The following CAMTA1 variants were observed in gnomAD, a reference collection of about 807,000 sequenced individuals.
CAMTA1 encodes the protein calmodulin binding transcription activator 1.
A neutral mutation model predicts 170.9 loss-of-function variants in CAMTA1; 27 were observed. The observed-to-expected ratio is 0.16, with a 90% CI of 0.12 to 0.22. The LOEUF is 0.22. CAMTA1 is among the 10% of genes least tolerant of loss of function. The probability of loss-of-function intolerance (pLI) is 1.00; values close to 1 mark genes in which losing one functional copy is unlikely to be tolerated. For synonymous variants in CAMTA1, 833 were observed against 891.5 expected (o/e 0.93, Z 1.17); for missense variants, 1,619 against 2,217.2 (o/e 0.73, Z 5.42).
chr1:7,028,691 G>A (rs940752835), intron 3 of CAMTA1, among the ~76,000 whole-genome samples: 6 of 152,112 alleles, frequency 3.9e-5, no homozygotes, highest in South Asian at 2.1e-4. Context: ...TGGTATTATT[G>A]TGAGTCATTT....
At position 7,674,852 on chromosome 1, in the gene CAMTA1, A is replaced by G. The variant is rs2096098437; in HGVS notation, c.2780-2747A>G. ...GGGTTTCAAAACAATTCATTCAACA[A>G]ATAGTTACTGAGCCGCCATAACATC... On this transcript the variant is annotated intron_variant, in intron 10 of 22. Transcript: ENST00000303635. The surrounding 1 kb of genome is among the most constrained non-coding windows in gnomAD (Gnocchi z 4.1). 6.6e-6 allele frequency among the ~76,000 whole-genome samples: 1 copy of G among 152,236 alleles called. No homozygotes were observed. The highest frequency in any genetic ancestry group is 1.5e-5 in the Non-Finnish European group (1 of 68,044).
chr1:7,515,035 T>C (rs915690026), intron 6 of CAMTA1, among the ~76,000 whole-genome samples: 1 of 150,686 alleles, frequency 6.6e-6, no homozygotes, highest in African/African-American at 2.5e-5. Context: ...ATCATCAGGC[T>C]GGTCCTTCCC....
intron 1 of CAMTA1, among the ~76,000 whole-genome samples, chr1:6,786,373 G>A (rs1325769198): frequency 3.9e-5 from 6 of 151,926 alleles, no homozygotes; most frequent in Non-Finnish European, 8.8e-5. Context: ...TCTATGGCAA[G>A]TGAGGATCTC....
intron 6 of CAMTA1, among the ~76,000 whole-genome samples, chr1:7,574,745 GT>G (rs1386215543): frequency 6.6e-6 from 1 of 152,184 alleles, no homozygotes; most frequent in Non-Finnish European, 1.5e-5. Context: ...ACTTTCAGGG[GT>G]CAGGTAGAGA....
chr1:7,600,170 A>C (rs2095429227), intron 6 of CAMTA1, among the ~76,000 whole-genome samples: 2 of 152,324 alleles, frequency 1.3e-5, no homozygotes, highest in South Asian at 4.1e-4. Context: ...AATTTTGTCA[A>C]AGGCCTTTTC....
At chr1:6,879,787 ATTTTTTT>A (rs760715822) in intron 3 of CAMTA1, among the ~76,000 whole-genome samples, 1 of 130,018 alleles carries the variant, frequency 7.7e-6, no homozygotes, top group Non-Finnish European at 1.7e-5. Flanking sequence ...GCTGCGCCTA[ATTTTTTT>A]TTTTTTTTTT....
chr1:7,686,815 T>G (rs1347304564), intron 11 of CAMTA1, among the ~76,000 whole-genome samples: 1 of 151,284 alleles, frequency 6.6e-6, no homozygotes, highest in African/African-American at 2.4e-5. Flanking sequence ...TGTTTGGAGG[T>G]GAAGTGAAGG....
chr1:7,555,990 C>T (rs1393167339), intron 6 of CAMTA1, among the ~76,000 whole-genome samples: 3 of 152,164 alleles, frequency 2.0e-5, no homozygotes, highest in South Asian at 2.1e-4. Flanking sequence ...TCATAGATCC[C>T]ATGAGGAGGG....
At chr1:7,030,581 A>G (rs1702642262) in intron 3 of CAMTA1, among the ~76,000 whole-genome samples, 1 of 152,258 alleles carries the variant, frequency 6.6e-6, no homozygotes, top group Non-Finnish European at 1.5e-5. Context: ...TAGTCTGCCC[A>G]ATACCTGTCT....
intron 3 of CAMTA1, among the ~76,000 whole-genome samples, chr1:6,898,698 A>G (rs946895132): frequency 1.3e-5 from 2 of 152,192 alleles, no homozygotes; most frequent in African/African-American, 4.8e-5. Context: ...GATGCTTTCC[A>G]GGGATATGCT....
chr1:6,995,791 G>A (rs1697165009), intron 3 of CAMTA1, among the ~76,000 whole-genome samples: 2 of 151,820 alleles, frequency 1.3e-5, no homozygotes, highest in African/African-American at 4.9e-5. Context: ...GGTGGAGGGA[G>A]CAAGGAGAAG....
At position 7,570,453 on chromosome 1, in the gene CAMTA1, C is replaced by G. The variant is rs1360811347; in HGVS notation, c.511-69947C>G. 2.6e-5 allele frequency among the ~76,000 whole-genome samples: 4 copies of G among 152,242 alleles called. No homozygotes were observed. The highest frequency in any genetic ancestry group is 9.6e-5 in the African/African-American group (4 of 41,464). ...AAACCCGGACCAGCCCGTGCATGTG[C>G]CAAGGGCTGGCCCAGGATGTCGGCA... On this transcript the variant is annotated intron_variant, in intron 6 of 22. Transcript: ENST00000303635. The surrounding 1 kb of genome is among the most constrained non-coding windows in gnomAD (Gnocchi z 4.3).
At chr1:7,541,432 G>A (rs1326026187) in intron 6 of CAMTA1, among the ~76,000 whole-genome samples, 1 of 152,196 alleles carries the variant, frequency 6.6e-6, no homozygotes, top group Non-Finnish European at 1.5e-5. Context: ...TATGGCCACA[G>A]GACTTGATTT....
intron 5 of CAMTA1, among the ~76,000 whole-genome samples, chr1:7,260,721 G>A (rs1668037704): frequency 6.6e-6 from 1 of 152,228 alleles, no homozygotes; most frequent in East Asian, 1.9e-4. Context: ...GGATGCAACA[G>A]AGTCCCCCTA....
At position 7,493,184 on chromosome 1, in the gene CAMTA1, AAC is replaced by A. The variant is rs1410064300; in HGVS notation, c.510+25286_510+25287del. Among the ~76,000 whole-genome samples the A allele has an allele frequency of 1.5e-4, 20 of 130,282 alleles. 1 individual carries two copies. Among genetic ancestry groups the A allele is most frequent in the Admixed American group, 3.0e-4 (4 of 13,338 alleles). The allele number at this position is 130,282 out of a possible 152,430, so 85.5% of individuals were successfully genotyped here. ...CTACATACACGCGCACACAAATACA[AAC>A]ACGCACACACACAAACACAAACCTA... On this transcript the variant is annotated intron_variant, in intron 6 of 22. Transcript: ENST00000303635.
At chr1:7,006,012 G>A (rs1274375510) in intron 3 of CAMTA1, among the ~76,000 whole-genome samples, 1 of 152,180 alleles carries the variant, frequency 6.6e-6, no homozygotes, top group Non-Finnish European at 1.5e-5. Flanking sequence ...GAACAGAGAG[G>A]ACAGGGAAGG....
At position 7,570,304 on chromosome 1, in the gene CAMTA1, A is replaced by G. The variant is rs181525361; in HGVS notation, c.511-70096A>G. On this transcript the variant is annotated intron_variant, in intron 6 of 22. Coordinates refer to ENST00000303635, the MANE Select transcript of CAMTA1 (RefSeq NM_015215.4). The surrounding 1 kb of genome is among the most constrained non-coding windows in gnomAD (Gnocchi z 4.3). ...TGCAACCCTTCCTTTAAAAGTTCCT[A>G]CATTCCACTGTAGGTCAATTACACT... 3.3e-5 allele frequency among the ~76,000 whole-genome samples: 5 copies of G among 152,316 alleles called. No individual in the cohort carries two copies. Among genetic ancestry groups the G allele is most frequent in the Non-Finnish European group, 5.9e-5 (4 of 68,028 alleles).
At position 7,144,455 on chromosome 1, in the gene CAMTA1, G is replaced by C. The variant is rs1018036364; in HGVS notation, c.302+53084G>C. Among the ~76,000 whole-genome samples, 1 of 152,110 alleles carries C rather than the reference G, an allele frequency of 6.6e-6. No individual in the cohort carries two copies. Among genetic ancestry groups the C allele is most frequent in the Non-Finnish European group, 1.5e-5 (1 of 68,026 alleles). On this transcript the variant is annotated intron_variant, in intron 4 of 22. Transcript: ENST00000303635. The surrounding 1 kb of genome is among the most constrained non-coding windows in gnomAD (Gnocchi z 4.0). ...GTCACACTGAGGCCACTGAGGGTAA[G>C]GGCCTGAACATATGAATTTTGGGGG...
At chr1:7,728,736 G>C (rs1352445767) in intron 11 of CAMTA1, among the ~76,000 whole-genome samples, 1 of 152,208 alleles carries the variant, frequency 6.6e-6, no homozygotes, top group Non-Finnish European at 1.5e-5. Context: ...AACTCTAACT[G>C]AAGAGTCAAC....
Sources: gnomAD v4.1 joint callset for allele counts (sites outside exome capture counted in the v4.1 genomes callset) on GRCh38, gnomAD v4.1.1 for gene constraint, Gnocchi (gnomAD v3.1) non-coding constraint, MANE v1.5 for transcripts, NCBI Gene and HGNC (gene_info 2026-07-23, HGNC 2026-07-21) for gene names.